SAG: variants seen among roughly 807,000 people sequenced by gnomAD.
SAG encodes S-arrestin.
A neutral mutation model predicts 55.0 loss-of-function variants in SAG; 45 were observed. The ratio of observed to expected loss-of-function variants is 0.82; its 90% CI spans 0.64 to 1.05. The LOEUF is 1.05. Ranked by LOEUF, SAG falls within the 50% of genes least tolerant of loss-of-function variation. SAG has a pLI of 0.00. For missense variants in SAG, 455 were observed against 512.1 expected, an observed-to-expected ratio of 0.89 and a Z score of 1.08; for synonymous variants, 189 against 197.4, an observed-to-expected ratio of 0.96 and a Z score of 0.36.
In SAG at chr2:233,328,457, G is replaced by A. The variant is rs538085954; in HGVS notation, c.513-21G>A. The A allele has an allele frequency of 3.1e-6, 5 of 1,608,906 alleles. No individual in the cohort carries two copies. The South Asian group carries it at 4.4e-5, about 14-fold the overall frequency. ...CGGCCTGGGTGCCAATCCCTGGCTT[G>A]TCTGTGGCTGTTTCCCACAGGAGCT... On this transcript the variant is annotated intron_variant, in intron 7 of 15. Transcript: ENST00000409110.
intron 14 of SAG, chr2:233,343,638 A>C (rs1701171281): frequency 8.0e-7 from 1 of 1,251,608 alleles, no homozygotes; most frequent in Non-Finnish European, 1.0e-6. Flanking sequence ...AGGTAAATGA[A>C]GCAGCAAAAA....
intron 9 of SAG, among the ~76,000 whole-genome samples, 198 bp downstream of exon 9, chr2:233,329,775 C>G (rs576976906): frequency 6.6e-6 from 1 of 152,228 alleles, no homozygotes; most frequent in Non-Finnish European, 1.5e-5. Context: ...TGCCCACTTA[C>G]GGCTGGTTTT....
chr2:233,311,648 C>T (rs1183876618), intron 2 of SAG, among the ~76,000 whole-genome samples: 1 of 152,152 alleles, frequency 6.6e-6, no homozygotes, highest in Non-Finnish European at 1.5e-5. Context: ...TCACCCACTT[C>T]TCTACCTGCC....
At chr2:233,310,664 G>C (rs1003976591) in intron 2 of SAG, among the ~76,000 whole-genome samples, 1 of 152,018 alleles carries the variant, frequency 6.6e-6, no homozygotes, top group African/African-American at 2.4e-5. Flanking sequence ...GTGCCACCGC[G>C]CCCAGCTAAT....
Position 233,346,813 on chromosome 2 carries a change from G to A in SAG, c.1119G>A (p.Gln373=), listed in dbSNP as rs769383039. The A allele has an allele frequency of 1.2e-6, 2 of 1,600,928 alleles. No homozygotes were observed. The highest frequency in any genetic ancestry group is 2.7e-5 in the African/African-American group (2 of 74,700). Residue 373 remains glutamine (Q), a synonymous_variant, in exon 16 of 16, where the codon CAG becomes CAA. Coordinates refer to ENST00000409110, the MANE Select transcript of SAG (RefSeq NM_000541.5). ...GTTGTTTGTTTTATTTTAGTTATCA[G>A]GATGCAAATTTAGTTTTTGAGGAGT... ...QPEDPAKESY[Q]DANLVFEEFA...
chr2:233,314,221 C>CAAAA (rs59624953), intron 2 of SAG, among the ~76,000 whole-genome samples: 3,063 of 133,568 alleles, frequency 0.023, 119 homozygotes, highest in African/African-American at 0.078. Flanking sequence ...GACCTTGTCT[C>CAAAA]AAAAAAAAAA....
chr2:233,325,354 T>TAAA (rs3085260), intron 6 of SAG, among the ~76,000 whole-genome samples: 10,300 of 142,864 alleles, frequency 0.072, 452 homozygotes, highest in Admixed American at 0.11. Flanking sequence ...AGACTCCATC[T>TAAA]AAAAAAAAAA....
chr2:233,329,317 G>T, intron 8 of SAG, 176 bp from the exon 9 acceptor site: 1 of 581,862 alleles, frequency 1.7e-6, no homozygotes, highest in Non-Finnish European at 3.1e-6. Context: ...CCCACAGATG[G>T]GTGGAATGTG....
chr2:233,315,342 G>C (rs1021150788), intron 2 of SAG, among the ~76,000 whole-genome samples: 3 of 140,790 alleles, frequency 2.1e-5, no homozygotes, highest in Non-Finnish European at 4.5e-5. Context: ...ACCCAGGCTG[G>C]AGTGCAGTGG....
chr2:233,339,012 C>T (rs553551014), intron 12 of SAG, among the ~76,000 whole-genome samples: 1 of 152,256 alleles, frequency 6.6e-6, no homozygotes, highest in South Asian at 2.1e-4. Flanking sequence ...AATACGTGTG[C>T]ATATGTGCAT....
intron 6 of SAG, among the ~76,000 whole-genome samples, chr2:233,323,955 T>C (rs1363672452): frequency 6.6e-6 from 1 of 152,012 alleles, no homozygotes; most frequent in Admixed American, 6.6e-5. Context: ...GTGGGATGTG[T>C]GTTGAGGATG....
At chr2:233,343,864 C>G in intron 14 of SAG, 1 of 566,432 alleles carries the variant, frequency 1.8e-6, no homozygotes, top group Non-Finnish European at 2.3e-6. Flanking sequence ...GCCGTTTAAA[C>G]ATTAGAATGA....
chr2:233,322,822 G>A (rs1457461555), intron 5 of SAG, 124 bp from the exon 6 acceptor site: 6 of 676,116 alleles, frequency 8.9e-6, no homozygotes, highest in South Asian at 7.3e-5. Context: ...AGGAGTATAG[G>A]TGAATGTGAT....
chr2:233,310,007 C>T (rs1002569952), intron 2 of SAG, among the ~76,000 whole-genome samples: 11 of 152,232 alleles, frequency 7.2e-5, no homozygotes, highest in Non-Finnish European at 1.5e-4. Context: ...GTGCACCTAC[C>T]CCACCCGGGG....
At chr2:233,312,264 C>T (rs941454062) in intron 2 of SAG, among the ~76,000 whole-genome samples, 5 of 152,196 alleles carry the variant, frequency 3.3e-5, no homozygotes, top group Admixed American at 3.3e-4. Flanking sequence ...CTCTCTTCAC[C>T]TGCCCTTGTC....
At chr2:233,345,208 C>T (rs891590938) in intron 14 of SAG, 6 of 152,242 alleles carry the variant, frequency 3.9e-5, no homozygotes, top group Non-Finnish European at 8.8e-5. Context: ...GGGGATACAA[C>T]ACATGTGAAA....
intron 9 of SAG, among the ~76,000 whole-genome samples, chr2:233,330,758 C>T (rs1345601217): frequency 6.6e-6 from 1 of 152,110 alleles, no homozygotes; most frequent in Non-Finnish European, 1.5e-5. Context: ...TTTCAAACCC[C>T]TGACCTCAGG....
At chr2:233,318,666 T>A in intron 3 of SAG, 85 bp from the exon 4 acceptor site, 1 of 1,180,314 alleles carries the variant, frequency 8.5e-7, no homozygotes, top group Non-Finnish European at 1.3e-6. Context: ...ACATGTGTAA[T>A]TAAAAACATG....
intron 5 of SAG, among the ~76,000 whole-genome samples, 166 bp downstream of exon 5, chr2:233,320,989 A>T (rs1380062684): frequency 1.3e-5 from 2 of 152,184 alleles, no homozygotes; most frequent in African/African-American, 2.4e-5. Flanking sequence ...TCTTTTTTTA[A>T]GTCCTTGAAA....
Sources: gnomAD v4.1 joint callset for allele counts (sites outside exome capture counted in the v4.1 genomes callset) on GRCh38, gnomAD v4.1.1 for gene constraint, MANE v1.5 for transcripts, NCBI Gene and HGNC (gene_info 2026-07-23, HGNC 2026-07-21) for gene names.